Variants in GJA1 observed in about 807,000 individuals in gnomAD.
GJA1 encodes gap junction protein alpha 1.
A neutral mutation model predicts 31.0 loss-of-function variants in GJA1; 9 were observed. The ratio of observed to expected loss-of-function variants is 0.29; its 90% CI spans 0.17 to 0.51. The LOEUF (loss-of-function observed/expected upper bound fraction) is 0.51. GJA1 is among the 20% of genes least tolerant of loss of function. The pLI is 0.98. For missense variants in GJA1, 278 were observed against 468.8 expected, an observed-to-expected ratio of 0.59 and a Z score of 3.76; for synonymous variants, 186 against 180.1, an observed-to-expected ratio of 1.03 and a Z score of -0.26.
In GJA1 at chr6:121,448,182, G is replaced by A; in HGVS notation, c.*186G>A. On this transcript the variant is annotated 3_prime_UTR_variant, in exon 2 of 2. Transcript: ENST00000282561. Reference sequence around the variant, plus strand: ...CTGGGGGTGTATGGGGTAGATGGGTGGAGAGGGAGGGGATAAGAGAGGTGC... The same window carrying A: ...CTGGGGGTGTATGGGGTAGATGGGTAGAGAGGGAGGGGATAAGAGAGGTGC... 1 of 657,004 alleles carries A rather than the reference G, an allele frequency of 1.5e-6. No individual in the cohort carries two copies. Among genetic ancestry groups the A allele is most frequent in the Non-Finnish European group, 2.8e-6 (1 of 356,780 alleles). 40.7% of individuals were successfully genotyped at this position (657,004 alleles called of 1,614,324 possible).
intron 1 of GJA1, among the ~76,000 whole-genome samples, chr6:121,444,462 CTCT>C (rs1306692502): frequency 6.6e-6 from 1 of 152,176 alleles, no homozygotes; most frequent in African/African-American, 2.4e-5. Context: ...GCTCAGCCAT[CTCT>C]TCTTTGTTCG....
intron 1 of GJA1, among the ~76,000 whole-genome samples, chr6:121,437,215 C>G (rs889276279): frequency 1.2e-4 from 19 of 152,074 alleles, no homozygotes; most frequent in South Asian, 4.1e-4. Flanking sequence ...AACTCAGGTC[C>G]GAGTTCGTCA....
At chr6:121,446,363 G>T (rs1194297926) in intron 1 of GJA1, among the ~76,000 whole-genome samples, 2 of 152,192 alleles carry the variant, frequency 1.3e-5, no homozygotes, top group East Asian at 3.8e-4. Flanking sequence ...GTTTTGGAAA[G>T]AAGGTTATGG....
chr6:121,443,359 A>G (rs1490773207), intron 1 of GJA1, among the ~76,000 whole-genome samples: 1 of 152,120 alleles, frequency 6.6e-6, no homozygotes, highest in African/African-American at 2.4e-5. Flanking sequence ...GCTACATGTT[A>G]CAGGATACTC....
chr6:121,439,781 G>GC (rs1582554225), intron 1 of GJA1, among the ~76,000 whole-genome samples: 1 of 152,072 alleles, frequency 6.6e-6, no homozygotes, highest in African/African-American at 2.4e-5. Context: ...CCTCCCCTCT[G>GC]CCCCCAAAAT....
intron 1 of GJA1, among the ~76,000 whole-genome samples, chr6:121,438,683 C>T (rs1182377379): frequency 1.3e-5 from 2 of 152,132 alleles, no homozygotes; most frequent in African/African-American, 2.4e-5. Context: ...TCCGCACACA[C>T]CAGTTCAACT....
At chr6:121,440,294 C>CT (rs1773748154) in intron 1 of GJA1, among the ~76,000 whole-genome samples, 1 of 151,968 alleles carries the variant, frequency 6.6e-6, no homozygotes, top group Non-Finnish European at 1.5e-5. Flanking sequence ...TGATGCAGTT[C>CT]TACAAGAATC....
intron 1 of GJA1, among the ~76,000 whole-genome samples, chr6:121,441,340 C>T (rs1211986103): frequency 3.3e-5 from 5 of 152,078 alleles, no homozygotes; most frequent in African/African-American, 9.7e-5. Flanking sequence ...CCTCCCACCT[C>T]GGCCTCCCAA....
chr6:121,444,377 C>G (rs1336899507), intron 1 of GJA1, among the ~76,000 whole-genome samples: 1 of 152,186 alleles, frequency 6.6e-6, no homozygotes, highest in Non-Finnish European at 1.5e-5. Flanking sequence ...TTCTTTGGCA[C>G]TAGTCCCTGG....
rs1215395223 is a variant in GJA1, at chr6:121,446,817, CTT to C, written c.-16-13_-16-12del. ...GCAATCTGTGATCCTTGAATTGTCT[CTT>C]TGTTTCTTTCAGGTGGTGCCCAGGC... On this transcript the variant is annotated splice_polypyrimidine_tract_variant and intron_variant, in intron 1 of 1. Coordinates refer to ENST00000282561, the MANE Select transcript of GJA1 (RefSeq NM_000165.5). The C allele has an allele frequency of 2.4e-5, 36 of 1,524,646 alleles. No homozygotes were observed. The highest frequency in any genetic ancestry group is 3.2e-5 in the Non-Finnish European group (35 of 1,098,310). 94.4% of individuals were successfully genotyped at this position (1,524,646 alleles called of 1,614,324 possible).
chr6:121,441,539 T>C (rs1320033508), intron 1 of GJA1, among the ~76,000 whole-genome samples: 1 of 152,158 alleles, frequency 6.6e-6, no homozygotes, highest in African/African-American at 2.4e-5. Flanking sequence ...AGAGAAAGTC[T>C]ATTAAAATAA....
At chr6:121,445,204 G>A (rs1773867329) in intron 1 of GJA1, among the ~76,000 whole-genome samples, 1 of 152,200 alleles carries the variant, frequency 6.6e-6, no homozygotes, top group Admixed American at 6.5e-5. Context: ...CCAGGCTGGA[G>A]TGCAGTGGCG....
At chr6:121,435,858 G>T (rs1172034070) in intron 1 of GJA1, 26 bp downstream of exon 1, 1 of 151,998 alleles carries the variant, frequency 6.6e-6, no homozygotes, top group Admixed American at 6.6e-5. Context: ...ATGAGAACAC[G>T]TTACCTATTA....
At chr6:121,440,400 G>C (rs1773750279) in intron 1 of GJA1, among the ~76,000 whole-genome samples, 1 of 151,968 alleles carries the variant, frequency 6.6e-6, no homozygotes. Context: ...ATTTAGCAGT[G>C]GGGGTTGCAA....
chr6:121,439,283 AAG>A (rs1773725325), intron 1 of GJA1, among the ~76,000 whole-genome samples: 1 of 152,230 alleles, frequency 6.6e-6, no homozygotes, highest in African/African-American at 2.4e-5. Context: ...AGCTGTTACT[AAG>A]AGCATCACAT....
chr6:121,445,413 C>T (rs779999177), intron 1 of GJA1, among the ~76,000 whole-genome samples: 2 of 152,142 alleles, frequency 1.3e-5, no homozygotes, highest in Non-Finnish European at 2.9e-5. Flanking sequence ...TGCTTATAGG[C>T]GTGAGTGCAT....
intron 1 of GJA1, among the ~76,000 whole-genome samples, chr6:121,442,923 T>C (rs1773817698): frequency 6.6e-6 from 1 of 152,186 alleles, no homozygotes; most frequent in African/African-American, 2.4e-5. Context: ...CAACTCCTCT[T>C]AGACAGACCT....
At chr6:121,446,552 G>C (rs982924929) in intron 1 of GJA1, among the ~76,000 whole-genome samples, 1 of 152,192 alleles carries the variant, frequency 6.6e-6, no homozygotes, top group Admixed American at 6.5e-5. Context: ...GCAAGGCAGT[G>C]GTTGAGCAAG....
intron 1 of GJA1, among the ~76,000 whole-genome samples, chr6:121,437,731 A>T (rs1773694024): frequency 1.3e-5 from 2 of 152,072 alleles, no homozygotes. Flanking sequence ...TCCAGGTACA[A>T]AGTAGGGGTG....
Sources: allele counts gnomAD v4.1 joint callset (sites outside exome capture counted in the v4.1 genomes callset), GRCh38; gene constraint gnomAD v4.1.1; transcripts MANE v1.5; gene names NCBI Gene and HGNC (gene_info 2026-07-23, HGNC 2026-07-21).